KALRN: variants seen among roughly 807,000 people sequenced by gnomAD.
KALRN encodes the protein kalirin RhoGEF kinase.
KALRN carries 70 observed loss-of-function variants against 353.7 expected under a neutral mutation model. The ratio of observed to expected loss-of-function variants is 0.20; its 90% CI spans 0.16 to 0.24. The LOEUF (loss-of-function observed/expected upper bound fraction) is 0.24, where lower values mean the gene tolerates loss of function less well. Among genes scored for constraint, KALRN ranks in the 10% least tolerant of loss-of-function variants. The pLI is 1.00. For missense variants in KALRN, 2,791 were observed against 3,756.7 expected, an observed-to-expected ratio of 0.74 and a Z score of 6.72; for synonymous variants, 1,391 against 1,434.8, an observed-to-expected ratio of 0.97 and a Z score of 0.69.
chr3:124,701,473 G>A (rs886391481), intron 56 of KALRN, among the ~76,000 whole-genome samples: 22 of 143,782 alleles, frequency 1.5e-4, no homozygotes, highest in South Asian at 6.6e-4. Flanking sequence ...TTGCAGCCTC[G>A]ACCTCCTGAG....
At chr3:124,265,721 T>C (rs759825548) in intron 4 of KALRN, among the ~76,000 whole-genome samples, 56 of 152,326 alleles carry the variant, frequency 3.7e-4, no homozygotes, top group Non-Finnish European at 7.3e-4. Context: ...CAATAGTATA[T>C]ATACACATGT....
In KALRN at chr3:124,536,930, T is replaced by TCC. The variant is rs1359899286; in HGVS notation, c.4936-25912_4936-25911dup. Among the ~76,000 whole-genome samples the TCC allele has an allele frequency of 1.3e-3, 204 of 152,322 alleles. 1 individual carries two copies. Among genetic ancestry groups the TCC allele is most frequent in the East Asian group, 5.8e-4 (3 of 5,190 alleles). On this transcript the variant is annotated intron_variant, in intron 33 of 59. Transcript: ENST00000682506. Reference sequence around the variant, plus strand: ...AATTTAAAAAGTAAACATAAGAGAATCCACATCTTCATGCAGGGGATGTAG... The same window carrying TCC: ...AATTTAAAAAGTAAACATAAGAGAATCCCCACATCTTCATGCAGGGGATGTAG...
chr3:124,584,963 C>A, intron 34 of KALRN: 1 of 1,518,830 alleles, frequency 6.6e-7, no homozygotes, highest in Non-Finnish European at 8.9e-7. Context: ...TCGCGCTCAG[C>A]GCGAGGGAGG....
At chr3:124,196,551 C>T (rs2075450177) in intron 1 of KALRN, among the ~76,000 whole-genome samples, 1 of 151,510 alleles carries the variant, frequency 6.6e-6, no homozygotes, top group South Asian at 2.1e-4. Context: ...TCTTTCTTTT[C>T]TTCATTTCTG....
At chr3:124,161,171 C>T (rs1448406229) in intron 1 of KALRN, among the ~76,000 whole-genome samples, 1 of 152,190 alleles carries the variant, frequency 6.6e-6, no homozygotes, top group African/African-American at 2.4e-5. Flanking sequence ...GTCATACCTC[C>T]ATCCCTCCCC....
intron 13 of KALRN, chr3:124,410,427 T>C (rs745557065): frequency 2.7e-6 from 1 of 367,650 alleles, no homozygotes; most frequent in Non-Finnish European, 5.3e-6. Flanking sequence ...ATTTGGGCTA[T>C]TTTACATATA....
chr3:124,325,913 C>A (rs576615281), intron 6 of KALRN, 67 bp from the exon 7 acceptor site: 3 of 1,346,952 alleles, frequency 2.2e-6, no homozygotes, highest in South Asian at 1.4e-5. Context: ...CAAATATGTA[C>A]CCCACGAAAG....
chr3:124,134,160 G>A (rs572235639), intron 1 of KALRN, among the ~76,000 whole-genome samples: 26 of 152,068 alleles, frequency 1.7e-4, no homozygotes, highest in Admixed American at 1.2e-3. Context: ...CCAAAACAGC[G>A]TGATACTGGC....
intron 5 of KALRN, among the ~76,000 whole-genome samples, chr3:124,282,750 G>A (rs1410189035): frequency 2.6e-5 from 4 of 152,196 alleles, no homozygotes; most frequent in African/African-American, 4.8e-5. Context: ...CAGCCTTGAG[G>A]AGTGATGGGG....
At chr3:124,652,449 C>A (rs1444793858) in intron 38 of KALRN, among the ~76,000 whole-genome samples, 2 of 152,242 alleles carry the variant, frequency 1.3e-5, no homozygotes, top group Non-Finnish European at 2.9e-5. Context: ...GTCTCCTTAG[C>A]TTCTCAGGTT....
At chr3:124,598,541 T>G (rs758871151) in intron 34 of KALRN, among the ~76,000 whole-genome samples, 51 of 152,202 alleles carry the variant, frequency 3.4e-4, no homozygotes, top group Non-Finnish European at 5.9e-4. Flanking sequence ...GACAAGGAAC[T>G]GCTGTCATAA....
At chr3:124,129,109 C>G (rs913471541) in intron 1 of KALRN, among the ~76,000 whole-genome samples, 11 of 152,062 alleles carry the variant, frequency 7.2e-5, no homozygotes, top group Non-Finnish European at 1.3e-4. Flanking sequence ...TTGGGTGTTC[C>G]TAAGAAAATT....
At chr3:124,433,596 T>TAAAAAAAAAAAA (rs144487793) in intron 16 of KALRN, among the ~76,000 whole-genome samples, 11 of 95,084 alleles carry the variant, frequency 1.2e-4, no homozygotes, top group East Asian at 8.4e-4. Context: ...AGACCCTGTC[T>TAAAAAAAAAAAA]AAAAAAAAAA....
intron 1 of KALRN, among the ~76,000 whole-genome samples, chr3:124,177,388 C>T (rs1385744964): frequency 6.6e-6 from 1 of 152,186 alleles, no homozygotes; most frequent in Non-Finnish European, 1.5e-5. Context: ...AATCAATCTT[C>T]CTAAAACAGC....
intron 33 of KALRN, among the ~76,000 whole-genome samples, chr3:124,562,094 T>A (rs1419776375): frequency 1.3e-5 from 2 of 152,198 alleles, no homozygotes; most frequent in Non-Finnish European, 2.9e-5. Flanking sequence ...GCTGGGCGTA[T>A]GCTCCTAAGT....
chr3:124,056,670 C>A (rs958757861), intron 1 of KALRN, among the ~76,000 whole-genome samples: 14 of 152,240 alleles, frequency 9.2e-5, no homozygotes, highest in Admixed American at 5.2e-4. Flanking sequence ...ACATGACACA[C>A]AAAACGTACA....
At chr3:124,166,572 C>A (rs923645421) in intron 1 of KALRN, among the ~76,000 whole-genome samples, 13 of 152,088 alleles carry the variant, frequency 8.5e-5, no homozygotes, top group African/African-American at 3.1e-4. Flanking sequence ...ACTTAAAAAT[C>A]TTTATTTCCA....
rs1472215192 is a variant in KALRN at position 124,633,737 on chromosome 3, AAG to A, written c.5467-112_5467-111del. The A allele has an allele frequency of 3.7e-6, 3 of 819,494 alleles. No homozygotes were observed. In the African/African-American group the frequency reaches 5.2e-5, roughly 14 times the overall value. 50.8% of individuals were successfully genotyped at this position (819,494 alleles called of 1,614,324 possible). ...AAGAGGAAATTGCGACTGAACAGTT[AAG>A]AGTGAGTTGAGAGAGGAACTCTCCT... is the stretch of plus-strand genomic sequence containing the variant. On this transcript the variant is annotated intron_variant, in intron 35 of 59. Transcript: ENST00000682506.
intron 47 of KALRN, among the ~76,000 whole-genome samples, chr3:124,669,365 G>C (rs766808961): frequency 3.3e-5 from 5 of 152,182 alleles, no homozygotes; most frequent in Admixed American, 6.5e-5. Flanking sequence ...AACAAACCCT[G>C]TAGGGACGCA....
Sources: allele counts gnomAD v4.1 joint callset (sites outside exome capture counted in the v4.1 genomes callset), GRCh38; gene constraint gnomAD v4.1.1; transcripts MANE v1.5; gene names NCBI Gene and HGNC (gene_info 2026-07-23, HGNC 2026-07-21).